TAGLN3: variants seen among roughly 807,000 people sequenced by gnomAD.
TAGLN3 encodes the protein transgelin-3.
In TAGLN3, 12 loss-of-function variants were observed where a neutral mutation model predicts 25.4. The observed-to-expected ratio is 0.47, with a 90% CI of 0.30 to 0.77. TAGLN3 has a LOEUF of 0.77. Among genes scored for constraint, TAGLN3 ranks in the 30% least tolerant of loss-of-function variants. The pLI is 0.06. For synonymous variants in TAGLN3, 96 were observed against 94.8 expected (o/e 1.01, Z -0.08); for missense variants, 218 against 255.8 (o/e 0.85, Z 1.01).
chr3:111,999,648 A>C (rs1003004072), intron 2 of TAGLN3, 46 bp downstream of exon 2: 4 of 1,597,644 alleles, frequency 2.5e-6, no homozygotes, highest in South Asian at 2.2e-5. Context: ...GGGCAGGGAA[A>C]CCCTCCAGGG....
chr3:112,010,497 A>G (rs1167535609), intron 3 of TAGLN3, among the ~76,000 whole-genome samples: 1 of 152,204 alleles, frequency 6.6e-6, no homozygotes, highest in African/African-American at 2.4e-5. Context: ...TATGGTGACA[A>G]TTACAGAAAT....
intron 3 of TAGLN3, among the ~76,000 whole-genome samples, chr3:112,008,277 C>T (rs113622973): frequency 1.3e-5 from 2 of 152,082 alleles, no homozygotes; most frequent in African/African-American, 2.4e-5. Context: ...GGTTGTGATA[C>T]GACTAGTTTT....
At chr3:112,013,164 A>G (rs1339612059) in intron 4 of TAGLN3, among the ~76,000 whole-genome samples, 1 of 152,140 alleles carries the variant, frequency 6.6e-6, no homozygotes, top group Non-Finnish European at 1.5e-5. Flanking sequence ...GAGCTCATGC[A>G]TCATGGTAGG....
rs749138651 is a variant in TAGLN3 at position 111,999,439 on chromosome 3, C to T, written c.17C>T (p.Pro6Leu). 1 of 1,614,026 alleles carries T rather than the reference C, an allele frequency of 6.2e-7. No homozygotes were observed. Among genetic ancestry groups the T allele is most frequent in the African/African-American group, 1.3e-5 (1 of 75,042 alleles). Residue 6 changes from proline (P) to leucine (L), a missense_variant, in exon 2 of 5, where the codon CCG becomes CTG. Coordinates refer to ENST00000478951, the MANE Select transcript of TAGLN3 (RefSeq NM_001008272.2). ...TTTCCAGAGATGGCTAACAGGGGCCCGAGCTATGGCTTAAGCCGAGAGGTG... is the reference window on the plus strand; with the variant it reads ...TTTCCAGAGATGGCTAACAGGGGCCTGAGCTATGGCTTAAGCCGAGAGGTG... MANRGPSYGLSREVQE... is the reference protein window; with the variant it reads MANRGLSYGLSREVQE...
intron 3 of TAGLN3, among the ~76,000 whole-genome samples, chr3:112,007,305 A>C (rs1014895311): frequency 6.6e-6 from 1 of 152,204 alleles, no homozygotes; most frequent in Non-Finnish European, 1.5e-5. Flanking sequence ...GCTGTTATAC[A>C]TTCTATGCAT....
Position 112,013,795 on chromosome 3 carries a change from TTTGA to T in TAGLN3, c.*247_*250del, listed in dbSNP as rs1379381974. 1.5e-5 allele frequency: 8 copies of T among 537,914 alleles called. No homozygotes were observed. Among genetic ancestry groups the T allele is most frequent in the African/African-American group, 5.8e-5 (3 of 51,740 alleles). The allele number at this position is 537,914 out of a possible 1,614,324, so 33.3% of individuals were successfully genotyped here. ...AGCTCCTCGGGCCCCAGAGTCTCTG[TTTGA>T]TTATTTATTTATTTATTTATTTATT... On this transcript the variant is annotated 3_prime_UTR_variant, in exon 5 of 5. Transcript: ENST00000478951.
intron 3 of TAGLN3, among the ~76,000 whole-genome samples, chr3:112,006,320 C>T (rs1380674793): frequency 1.3e-5 from 2 of 152,158 alleles, no homozygotes; most frequent in South Asian, 4.1e-4. Context: ...GGGAACCCCA[C>T]TGTAAGAGCC....
chr3:112,005,013 C>T (rs2072902004), intron 3 of TAGLN3, among the ~76,000 whole-genome samples: 1 of 152,104 alleles, frequency 6.6e-6, no homozygotes, highest in African/African-American at 2.4e-5. Context: ...ATGTCTTTCC[C>T]CATAATTTAC....
chr3:111,999,399 G>T (rs775834731), intron 1 of TAGLN3, 22 bp from the exon 2 acceptor site: 2 of 1,610,224 alleles, frequency 1.2e-6, no homozygotes, highest in East Asian at 2.2e-5. Flanking sequence ...TGGATGCCGC[G>T]CGTGTCTTCT....
intron 2 of TAGLN3, 119 bp from the exon 3 acceptor site, chr3:112,000,653 A>C: frequency 8.6e-7 from 1 of 1,156,730 alleles, no homozygotes; most frequent in Non-Finnish European, 1.2e-6. Flanking sequence ...CCTAGGGCCC[A>C]TGACTTGCTC....
At chr3:112,011,158 G>A (rs1359527080) in intron 3 of TAGLN3, among the ~76,000 whole-genome samples, 2 of 152,198 alleles carry the variant, frequency 1.3e-5, no homozygotes, top group African/African-American at 4.8e-5. Context: ...TGGAAGAGAA[G>A]AAAGGAGAAA....
rs141425601 is a variant in TAGLN3, at chr3:111,999,735, G to A, written c.180+133G>A. 4 of 1,195,114 alleles carry A rather than the reference G, an allele frequency of 3.3e-6. No homozygotes were observed. In the Admixed American group the frequency reaches 1.1e-4, roughly 32 times the overall value. The allele number at this position is 1,195,114 out of a possible 1,614,324, so 74.0% of individuals were successfully genotyped here. On this transcript the variant is annotated intron_variant, in intron 2 of 4. Transcript: ENST00000478951. ...TGTCTCACCGGGAGGGGATGAGAATGCCTTTATTTCTTCAGGGTTGGAAGA... is the reference window on the plus strand; with the variant it reads ...TGTCTCACCGGGAGGGGATGAGAATACCTTTATTTCTTCAGGGTTGGAAGA...
Position 111,999,421 on chromosome 3 carries a change from A to C in TAGLN3, c.-2A>C. 2.5e-6 allele frequency: 4 copies of C among 1,613,608 alleles called. No individual in the cohort carries two copies. Among genetic ancestry groups the C allele is most frequent in the Non-Finnish European group, 3.4e-6 (4 of 1,179,632 alleles). On this transcript the variant is annotated splice_region_variant and 5_prime_UTR_variant, in exon 2 of 5. It removes the in-frame stop codon of an upstream open reading frame in the 5' UTR. Transcript: ENST00000478951. Reference sequence around the variant, plus strand: ...CGCGCGTGTCTTCTCTTCTTTCCAGAGATGGCTAACAGGGGCCCGAGCTAT... The same window carrying C: ...CGCGCGTGTCTTCTCTTCTTTCCAGCGATGGCTAACAGGGGCCCGAGCTAT...
intron 4 of TAGLN3, among the ~76,000 whole-genome samples, chr3:112,012,385 G>C (rs72942115): frequency 0.32 from 47,327 of 150,046 alleles, 7,595 homozygotes; most frequent in East Asian, 0.46. Flanking sequence ...TATCTATGTT[G>C]TCCCAGTATA....
intron 3 of TAGLN3, among the ~76,000 whole-genome samples, chr3:112,002,035 T>C (rs1178914423): frequency 6.6e-6 from 1 of 152,238 alleles, no homozygotes; most frequent in African/African-American, 2.4e-5. Flanking sequence ...CCTACGATGC[T>C]AATAAGTTTA....
intron 3 of TAGLN3, among the ~76,000 whole-genome samples, chr3:112,005,577 A>G (rs1311099136): frequency 6.6e-6 from 1 of 152,170 alleles, no homozygotes; most frequent in Non-Finnish European, 1.5e-5. Flanking sequence ...TCATTCCTCA[A>G]CAGCAAGAGT....
At chr3:112,012,688 C>A (rs2072992282) in intron 4 of TAGLN3, among the ~76,000 whole-genome samples, 1 of 151,984 alleles carries the variant, frequency 6.6e-6, no homozygotes, top group Non-Finnish European at 1.5e-5. Context: ...GAGAGGTTGG[C>A]CATTTGAAAC....
Position 111,999,524 on chromosome 3 carries a change from C to T in TAGLN3, c.102C>T (p.Ile34=). The T allele has an allele frequency of 6.2e-7, 1 of 1,614,196 alleles. No homozygotes were observed. The highest frequency in any genetic ancestry group is 8.5e-7 in the Non-Finnish European group (1 of 1,180,036). ...TGGAGAACAAGCTGGTGGACTGGAT[C>T]ATCCTGCAGTGCGCCGAGGACATAG... is the stretch of plus-strand genomic sequence containing the variant. ...ADLENKLVDW[I]ILQCAEDIEH... is the part of the protein sequence containing the mutation. Residue 34 remains isoleucine (I), a synonymous_variant, in exon 2 of 5, where the codon ATC becomes ATT. Coordinates refer to ENST00000478951, the MANE Select transcript of TAGLN3 (RefSeq NM_001008272.2).
chr3:112,009,906 C>T (rs1419604227), intron 3 of TAGLN3, among the ~76,000 whole-genome samples: 1 of 151,864 alleles, frequency 6.6e-6, no homozygotes, highest in African/African-American at 2.4e-5. Context: ...CTTATCTTAG[C>T]CGGCAACTTA....
Sources: allele counts gnomAD v4.1 joint callset (sites outside exome capture counted in the v4.1 genomes callset), GRCh38; gene constraint gnomAD v4.1.1; transcripts MANE v1.5; gene names NCBI Gene and HGNC (gene_info 2026-07-23, HGNC 2026-07-21).